STAM: variants seen among roughly 807,000 people sequenced by gnomAD.
STAM encodes signal transducing adaptor molecule.
A neutral mutation model predicts 63.4 loss-of-function variants in STAM; 16 were observed. The observed-to-expected ratio is 0.25, with a 90% confidence interval of 0.17 to 0.38. The LOEUF (loss-of-function observed/expected upper bound fraction) is 0.38. Ranked by LOEUF, STAM falls within the 10% of genes least tolerant of loss-of-function variation. The probability of loss-of-function intolerance (pLI) is 1.00; values close to 1 mark genes in which losing one functional copy is unlikely to be tolerated. For missense variants in STAM, 636 were observed against 657.1 expected (o/e 0.97, Z 0.35); for synonymous variants, 238 against 223.9 (o/e 1.06, Z -0.56).
chr10:17,710,858 G>T (rs1427491604), intron 13 of STAM, among the ~76,000 whole-genome samples: 1 of 152,102 alleles, frequency 6.6e-6, no homozygotes, highest in Non-Finnish European at 1.5e-5. Context: ...CCTTGCAAAG[G>T]CTTCACAAAG....
intron 2 of STAM, among the ~76,000 whole-genome samples, chr10:17,664,836 C>T (rs556505374): frequency 1.1e-4 from 17 of 152,120 alleles, no homozygotes; most frequent in African/African-American, 3.6e-4. Flanking sequence ...TTGTAAAGTG[C>T]GGCGATCTTT....
chr10:17,686,378 C>CTTTT (rs782424712), intron 4 of STAM, among the ~76,000 whole-genome samples: 12 of 138,066 alleles, frequency 8.7e-5, no homozygotes, highest in Non-Finnish European at 1.4e-4. Context: ...AACATCCCGC[C>CTTTT]TTTTTTTTTT....
At chr10:17,675,403 C>T (rs1554824540) in intron 2 of STAM, among the ~76,000 whole-genome samples, 1 of 151,374 alleles carries the variant, frequency 6.6e-6, no homozygotes, top group African/African-American at 2.4e-5. Context: ...ACTTGGAAGG[C>T]TGAGGTGGGA....
At chr10:17,672,232 T>G (rs186501608) in intron 2 of STAM, among the ~76,000 whole-genome samples, 1 of 152,326 alleles carries the variant, frequency 6.6e-6, no homozygotes, top group African/African-American at 2.4e-5. Context: ...TGTACAACAG[T>G]ATACCTATAA....
chr10:17,671,821 C>G (rs928185912), intron 2 of STAM, among the ~76,000 whole-genome samples: 1 of 151,652 alleles, frequency 6.6e-6, no homozygotes, highest in African/African-American at 2.4e-5. Flanking sequence ...TTTGTTATGT[C>G]CTGAGAGAGG....
At chr10:17,704,273 C>T (rs1052488602) in intron 9 of STAM, among the ~76,000 whole-genome samples, 158 bp from the exon 10 acceptor site, 3 of 152,070 alleles carry the variant, frequency 2.0e-5, no homozygotes, top group Non-Finnish European at 4.4e-5. Flanking sequence ...TCATGCAGTA[C>T]TAGAGAGAAT....
At chr10:17,655,853 A>G (rs1554822067) in intron 1 of STAM, among the ~76,000 whole-genome samples, 5 of 152,184 alleles carry the variant, frequency 3.3e-5, no homozygotes, top group African/African-American at 9.7e-5. Context: ...TTTGAATTGC[A>G]GTGTTCCAGT....
In STAM at chr10:17,679,089, A is replaced by G. The variant is rs184149204; in HGVS notation, c.126-5586A>G. 2.6e-5 allele frequency among the ~76,000 whole-genome samples: 4 copies of G among 152,310 alleles called. No individual in the cohort carries two copies. The East Asian group carries it at 7.7e-4, about 29-fold the overall frequency. On this transcript the variant is annotated intron_variant, in intron 2 of 13. Transcript: ENST00000377524. ...GAACATGGGTGTACGGATATTGGTT[A>G]GAGTCCCAGCTGGATTATATGTGGT...
intron 8 of STAM, among the ~76,000 whole-genome samples, chr10:17,698,048 A>C (rs1405409707): frequency 4.6e-5 from 7 of 152,336 alleles, no homozygotes; most frequent in Admixed American, 4.6e-4. Flanking sequence ...ATATGTTAAC[A>C]ATAAAGAGAT....
At chr10:17,671,137 G>T (rs1257528877) in intron 2 of STAM, among the ~76,000 whole-genome samples, 28 of 152,154 alleles carry the variant, frequency 1.8e-4, no homozygotes, top group Admixed American at 1.8e-3. Flanking sequence ...GCTGCTGTGT[G>T]TCTGCTAGGT....
intron 1 of STAM, among the ~76,000 whole-genome samples, chr10:17,648,654 C>G (rs1554821196): frequency 6.6e-6 from 1 of 152,206 alleles, no homozygotes; most frequent in African/African-American, 2.4e-5. Flanking sequence ...TCTCACCATT[C>G]TTACCTTACT....
At chr10:17,706,095 CA>C (rs1836255915) in intron 12 of STAM, among the ~76,000 whole-genome samples, 1 of 151,900 alleles carries the variant, frequency 6.6e-6, no homozygotes, top group African/African-American at 2.4e-5. Flanking sequence ...AATAAATTCT[CA>C]AATGCATTTG....
chr10:17,650,393 T>C (rs1007036865), intron 1 of STAM, among the ~76,000 whole-genome samples: 1 of 152,242 alleles, frequency 6.6e-6, no homozygotes, highest in African/African-American at 2.4e-5. Flanking sequence ...CAGAGTTGAA[T>C]AGGCTTCAAA....
At position 17,714,525 on chromosome 10, in the gene STAM, G is replaced by C; in HGVS notation, c.1386-18G>C. ...TAAATCAGTATTGATGTAATTGAGTGTTTTTCTTCCTCCACAGTACAATGG... is the reference window on the plus strand; with the variant it reads ...TAAATCAGTATTGATGTAATTGAGTCTTTTTCTTCCTCCACAGTACAATGG... On this transcript the variant is annotated intron_variant, in intron 13 of 13. Transcript: ENST00000377524. The C allele has an allele frequency of 6.2e-7, 1 of 1,608,726 alleles. No individual in the cohort carries two copies. The highest frequency in any genetic ancestry group is 2.2e-5 in the East Asian group (1 of 44,844).
intron 2 of STAM, among the ~76,000 whole-genome samples, chr10:17,673,460 A>G (rs1564543250): frequency 6.6e-6 from 1 of 152,188 alleles, no homozygotes; most frequent in Non-Finnish European, 1.5e-5. Flanking sequence ...TCTAGGCCCC[A>G]TTCGCAATGA....
Position 17,644,354 on chromosome 10 carries a change from C to T in STAM, c.15C>T (p.Ala5=), listed in dbSNP as rs1554820518. 5 of 1,614,140 alleles carry T rather than the reference C, an allele frequency of 3.1e-6. No homozygotes were observed. In the South Asian group the frequency reaches 5.5e-5, roughly 18 times the overall value. The change falls in exon 1 of 14, where the codon GCC becomes GCT. Residue 5 remains alanine (A), a synonymous_variant. Transcript: ENST00000377524. ...ACGCAGCGGAGATGCCTCTTTTTGCCACCAATCCCTTCGATCAGGATGTTG... is the reference window on the plus strand; with the variant it reads ...ACGCAGCGGAGATGCCTCTTTTTGCTACCAATCCCTTCGATCAGGATGTTG... MPLF[A]TNPFDQDVEK...
In STAM at chr10:17,688,058, C is replaced by T. The variant is rs142836471; in HGVS notation, c.329C>T (p.Ala110Val). Residue 110 changes from alanine to valine, a missense_variant, in exon 5 of 14, where the codon GCT (alanine) becomes GTT (valine). By Grantham distance (64) the Ala-to-Val change is moderately conservative (BLOSUM62 0). Transcript: ENST00000377524. ...CCTAAAGTATGTGAAAAATTAAAGG[C>T]TCTTATGGTTGAATGGACAGATGAA... ...GHPKVCEKLK[A>V]LMVEWTDEFK... The T allele has an allele frequency of 6.2e-7, 1 of 1,603,670 alleles. No individual in the cohort carries two copies. Among genetic ancestry groups the T allele is most frequent in the Non-Finnish European group, 8.5e-7 (1 of 1,175,584 alleles).
intron 1 of STAM, among the ~76,000 whole-genome samples, chr10:17,660,240 A>T (rs533597022): frequency 6.6e-6 from 1 of 152,292 alleles, no homozygotes; most frequent in Non-Finnish European, 1.5e-5. Flanking sequence ...CTTTTATTTT[A>T]TACTAAGTAA....
At chr10:17,666,387 A>ATCTTTTTTTTTTTTTTTTTT (rs1834378094) in intron 2 of STAM, among the ~76,000 whole-genome samples, 1 of 85,922 alleles carries the variant, frequency 1.2e-5, no homozygotes, top group African/African-American at 5.0e-5. Context: ...TTGGCTTTGT[A>ATCTTTTTTTTTTTTTTTTTT]TTTTTTTTTT....
Sources: gnomAD v4.1 joint callset for allele counts (sites outside exome capture counted in the v4.1 genomes callset) on GRCh38, gnomAD v4.1.1 for gene constraint, MANE v1.5 for transcripts, NCBI Gene and HGNC (gene_info 2026-07-23, HGNC 2026-07-21) for gene names.